The following XKR4 variants were observed in gnomAD, a reference collection of about 807,000 sequenced individuals.
The protein encoded by XKR4 is XK related 4, also known as XK-related protein 4.
In XKR4, 12 loss-of-function variants were observed where a neutral mutation model predicts 53.9. That is an observed-to-expected ratio of 0.22 (90% CI 0.14 to 0.36). The LOEUF is 0.36. Among genes scored for constraint, XKR4 ranks in the 10% least tolerant of loss-of-function variants. The pLI is 1.00. For missense variants in XKR4, 799 were observed against 859.5 expected, an observed-to-expected ratio of 0.93 and a Z score of 0.88; for synonymous variants, 354 against 362.4, an observed-to-expected ratio of 0.98 and a Z score of 0.26.
intron 1 of XKR4, among the ~76,000 whole-genome samples, chr8:55,275,701 G>A (rs1459960945): frequency 6.6e-6 from 1 of 152,082 alleles, no homozygotes; most frequent in Non-Finnish European, 1.5e-5. Flanking sequence ...ATTTCTTCTT[G>A]AACAATTTAC....
At chr8:55,434,543 T>A (rs1338884881) in intron 2 of XKR4, among the ~76,000 whole-genome samples, 2 of 152,050 alleles carry the variant, frequency 1.3e-5, no homozygotes, top group African/African-American at 2.4e-5. Flanking sequence ...ATCATGGGAT[T>A]GGTGATATGG....
At chr8:55,365,878 G>A (rs1427099489) in intron 2 of XKR4, among the ~76,000 whole-genome samples, 3 of 152,178 alleles carry the variant, frequency 2.0e-5, no homozygotes, top group Non-Finnish European at 4.4e-5. Context: ...GACCTCTAGG[G>A]AAGGGTACTG....
At chr8:55,467,752 A>G (rs931183659) in intron 2 of XKR4, among the ~76,000 whole-genome samples, 1 of 152,154 alleles carries the variant, frequency 6.6e-6, no homozygotes, top group African/African-American at 2.4e-5. Flanking sequence ...TCTTTGATTA[A>G]TAGTAAGATT....
At chr8:55,470,236 T>A (rs1805859349) in intron 2 of XKR4, among the ~76,000 whole-genome samples, 1 of 152,104 alleles carries the variant, frequency 6.6e-6, no homozygotes, top group African/African-American at 2.4e-5. Flanking sequence ...AATTTAGAAT[T>A]CTAGAAGTTA....
intron 1 of XKR4, among the ~76,000 whole-genome samples, chr8:55,312,608 C>G (rs1402348790): frequency 6.6e-6 from 1 of 152,058 alleles, no homozygotes; most frequent in Admixed American, 6.6e-5. Context: ...AGCATGAATA[C>G]CAAAATTCTT....
chr8:55,431,611 A>T (rs1273017120), intron 2 of XKR4, among the ~76,000 whole-genome samples: 1 of 152,250 alleles, frequency 6.6e-6, no homozygotes, highest in Non-Finnish European at 1.5e-5. Flanking sequence ...GTTAGCATTT[A>T]TCAAAAACAT....
Position 55,102,178 on chromosome 8 carries a change from G to A in XKR4, c.-311G>A, listed in dbSNP as rs1425971419. On this transcript the variant is annotated 5_prime_UTR_variant, in exon 1 of 3. Coordinates refer to ENST00000327381, the MANE Select transcript of XKR4 (RefSeq NM_052898.2). This position sits in a 1 kb window ranked among gnomAD's most constrained non-coding sequence, Gnocchi z 5.1. ...GGCGGCGGCGGCTCGGGCGGCAGCA[G>A]CGAAGCCGGGACGGCGAGGAGCGCG... 2.0e-5 allele frequency among the ~76,000 whole-genome samples: 3 copies of A among 147,946 alleles called. No homozygotes were observed. The highest frequency in any genetic ancestry group is 7.3e-5 in the African/African-American group (3 of 40,942).
intron 2 of XKR4, among the ~76,000 whole-genome samples, chr8:55,404,518 T>C (rs1275648897): frequency 6.6e-6 from 1 of 152,214 alleles, no homozygotes; most frequent in Non-Finnish European, 1.5e-5. Flanking sequence ...GCTTCCAGTC[T>C]GAAGAAAGAA....
At chr8:55,480,791 A>G (rs1015777011) in intron 2 of XKR4, among the ~76,000 whole-genome samples, 9 of 143,022 alleles carry the variant, frequency 6.3e-5, no homozygotes, top group African/African-American at 2.6e-4. Flanking sequence ...GTGAACTCCC[A>G]TTCACAATTG....
At chr8:55,177,290 G>T (rs971038619) in intron 1 of XKR4, among the ~76,000 whole-genome samples, 1 of 152,090 alleles carries the variant, frequency 6.6e-6, no homozygotes, top group Admixed American at 6.5e-5. Flanking sequence ...GCCCACCTCG[G>T]CCTCCCAAAG....
At chr8:55,380,008 A>T (rs1484853596) in intron 2 of XKR4, among the ~76,000 whole-genome samples, 1 of 152,234 alleles carries the variant, frequency 6.6e-6, no homozygotes, top group Non-Finnish European at 1.5e-5. Flanking sequence ...GCTCAAAGCC[A>T]GGCACTTAAT....
chr8:55,166,806 G>A (rs1817071593), intron 1 of XKR4, among the ~76,000 whole-genome samples: 1 of 152,190 alleles, frequency 6.6e-6, no homozygotes. Flanking sequence ...AAGAGAAGGA[G>A]ATAAGGATGG....
At chr8:55,325,426 G>T (rs893005320) in intron 1 of XKR4, among the ~76,000 whole-genome samples, 2 of 152,132 alleles carry the variant, frequency 1.3e-5, no homozygotes, top group East Asian at 3.9e-4. Flanking sequence ...GGGGCAGAAA[G>T]ATGAGTTGTG....
intron 2 of XKR4, among the ~76,000 whole-genome samples, chr8:55,517,033 T>C (rs1806723002): frequency 6.6e-6 from 1 of 151,914 alleles, no homozygotes. Flanking sequence ...AAAGAGGAGG[T>C]CAAATACCGC....
intron 2 of XKR4, among the ~76,000 whole-genome samples, chr8:55,505,540 G>A (rs866280605): frequency 2.0e-5 from 3 of 152,166 alleles, no homozygotes; most frequent in East Asian, 3.9e-4. Context: ...AACAGAACAA[G>A]ACCCCATCTC....
At chr8:55,272,472 G>T (rs1818705375) in intron 1 of XKR4, among the ~76,000 whole-genome samples, 1 of 152,134 alleles carries the variant, frequency 6.6e-6, no homozygotes, top group Non-Finnish European at 1.5e-5. Flanking sequence ...AGAGCAAATG[G>T]CAGTCCCCAA....
intron 1 of XKR4, chr8:55,164,739 C>T (rs758207494): frequency 8.0e-6 from 2 of 250,242 alleles, no homozygotes; most frequent in Non-Finnish European, 1.6e-5. Context: ...CAATTGTTTT[C>T]TTATTTTATG....
intron 1 of XKR4, among the ~76,000 whole-genome samples, chr8:55,261,522 C>T (rs1432764243): frequency 6.6e-6 from 1 of 152,162 alleles, no homozygotes; most frequent in Non-Finnish European, 1.5e-5. Context: ...CCTTTGCGCC[C>T]AAGCCAACCC....
chr8:55,462,989 C>T lies in XKR4; in HGVS notation c.1007-60292C>T, dbSNP rs560866912. Among the ~76,000 whole-genome samples the T allele has an allele frequency of 7.2e-5, 11 of 152,200 alleles. No individual in the cohort carries two copies. The South Asian group carries it at 2.3e-3, about 32-fold the overall frequency. The stretch of plus-strand genomic sequence containing the variant: ...GATTCATAAAGCAAGTCCTTAGTGA[C>T]CTACAAAGAGACTTACACTCCCACA... On this transcript the variant is annotated intron_variant, in intron 2 of 2. Coordinates refer to ENST00000327381, the MANE Select transcript of XKR4 (RefSeq NM_052898.2).
Sources: allele counts gnomAD v4.1 joint callset (sites outside exome capture counted in the v4.1 genomes callset), GRCh38; gene constraint gnomAD v4.1.1; non-coding constraint Gnocchi (gnomAD v3.1); transcripts MANE v1.5; gene names NCBI Gene and HGNC (gene_info 2026-07-23, HGNC 2026-07-21).